R3HDM1: variants seen among roughly 807,000 people sequenced by gnomAD.
The protein encoded by R3HDM1 is R3H domain containing 1, also known as R3H domain-containing protein 1.
In R3HDM1, 46 loss-of-function variants were observed where a neutral mutation model predicts 141.1. The observed-to-expected ratio is 0.33, with a 90% CI of 0.26 to 0.42. The LOEUF (loss-of-function observed/expected upper bound fraction) is 0.42, where lower values mean the gene tolerates loss of function less well. R3HDM1 is among the 10% of genes least tolerant of loss of function. The pLI is 1.00. For missense variants in R3HDM1, 1,184 were observed against 1,368.3 expected (o/e 0.87, Z 2.12); for synonymous variants, 435 against 472.9 (o/e 0.92, Z 1.04).
intron 1 of R3HDM1, among the ~76,000 whole-genome samples, chr2:135,556,945 C>T (rs1700893857): frequency 6.6e-6 from 1 of 152,098 alleles, no homozygotes; most frequent in Admixed American, 6.5e-5. Context: ...GATCATATTG[C>T]TCTAGCATCC....
chr2:135,709,933 G>A, intron 22 of R3HDM1, 126 bp from the exon 23 acceptor site: 2 of 994,370 alleles, frequency 2.0e-6, no homozygotes, highest in South Asian at 3.4e-5. Flanking sequence ...GCTTCAACCT[G>A]GTTTTCTTAG....
rs1009592528 is a variant in R3HDM1, at chr2:135,679,584, A to G, written c.2308-589A>G. Among the ~76,000 whole-genome samples, 15 of 152,198 alleles carry G rather than the reference A, an allele frequency of 9.9e-5. No individual in the cohort carries two copies. The Middle Eastern group carries it at 9.5e-3, about 96-fold the overall frequency. Reference sequence around the variant, plus strand: ...TGAGGTAAACTGTGTTACTCTTTCTATATCAAATGGCCATCCTTATGTGGA... The same window carrying G: ...TGAGGTAAACTGTGTTACTCTTTCTGTATCAAATGGCCATCCTTATGTGGA... On this transcript the variant is annotated intron_variant, in intron 20 of 26. Coordinates refer to ENST00000683871, the MANE Select transcript of R3HDM1 (RefSeq NM_001378107.1).
intron 1 of R3HDM1, among the ~76,000 whole-genome samples, chr2:135,538,379 C>G (rs1306399786): frequency 1.3e-5 from 2 of 152,132 alleles, no homozygotes; most frequent in Admixed American, 1.3e-4. Context: ...AATTGTACAC[C>G]ATTGTAAACT....
chr2:135,635,819 A>C, intron 9 of R3HDM1, 71 bp from the exon 10 acceptor site: 1 of 1,499,226 alleles, frequency 6.7e-7, no homozygotes, highest in Non-Finnish European at 8.9e-7. Flanking sequence ...ATAAAATGTT[A>C]TGTTTAACTT....
chr2:135,574,299 A>G (rs1375323895), intron 1 of R3HDM1, among the ~76,000 whole-genome samples: 1 of 152,212 alleles, frequency 6.6e-6, no homozygotes, highest in Non-Finnish European at 1.5e-5. Flanking sequence ...GCATATTACC[A>G]ACATGGAGTT....
Position 135,724,261 on chromosome 2 carries a change from T to C in R3HDM1, c.3374T>C (p.Phe1125Ser). 1.9e-6 allele frequency: 3 copies of C among 1,613,348 alleles called. No individual in the cohort carries two copies. The highest frequency in any genetic ancestry group is 2.5e-6 in the Non-Finnish European group (3 of 1,179,684). Residue 1125 changes from phenylalanine (F) to serine (S), a missense_variant, in exon 27 of 27, where the codon TTT becomes TCT. Physicochemically the swap from Phe to Ser is radical, Grantham distance 155 (BLOSUM62 -2). This residue lies in a region of R3HDM1 where 182 missense variants were observed against 252.6 expected (regional missense o/e 0.72). Transcript: ENST00000683871. ...KLRTSKKHYD[F>S]HILERASSQ is the part of the protein sequence containing the mutation. ...AGAACAAGCAAGAAGCACTATGACT[T>C]TCACATTTTGGAAAGGGCAAGTTCT... is the stretch of plus-strand genomic sequence containing the variant.
At chr2:135,641,441 C>A in intron 14 of R3HDM1, 95 bp from the exon 15 acceptor site, 1 of 1,338,348 alleles carries the variant, frequency 7.5e-7, no homozygotes, top group Non-Finnish European at 1.0e-6. Context: ...GTAGTAACTG[C>A]ATGTTATGCA....
At chr2:135,613,715 C>T (rs1446218269) in intron 3 of R3HDM1, among the ~76,000 whole-genome samples, 2 of 152,160 alleles carry the variant, frequency 1.3e-5, no homozygotes, top group African/African-American at 4.8e-5. Flanking sequence ...ACTTGGGAGG[C>T]TGAGGCAGGA....
chr2:135,680,053 C>A, intron 20 of R3HDM1, 120 bp from the exon 21 acceptor site: 1 of 1,053,912 alleles, frequency 9.5e-7, no homozygotes, highest in Non-Finnish European at 1.4e-6. Flanking sequence ...ACACTCCAGC[C>A]TGGGCAACAG....
At chr2:135,654,338 A>G (rs536197878) in intron 18 of R3HDM1, among the ~76,000 whole-genome samples, 1 of 152,206 alleles carries the variant, frequency 6.6e-6, no homozygotes, top group East Asian at 1.9e-4. Context: ...CACACTATTC[A>G]TACTTAAAAT....
At chr2:135,547,632 T>A (rs922313767) in intron 1 of R3HDM1, among the ~76,000 whole-genome samples, 1 of 152,094 alleles carries the variant, frequency 6.6e-6, no homozygotes, top group Admixed American at 6.6e-5. Context: ...ATCAACTGTT[T>A]GCTGAATCTT....
chr2:135,624,393 CA>C (rs781574838), intron 7 of R3HDM1, among the ~76,000 whole-genome samples: 129 of 61,780 alleles, frequency 2.1e-3, no homozygotes, highest in African/African-American at 2.7e-3. Flanking sequence ...GACTCCGTCT[CA>C]AAAAAAAAAA....
intron 7 of R3HDM1, among the ~76,000 whole-genome samples, chr2:135,629,088 G>A (rs113119111): frequency 5.9e-5 from 9 of 152,062 alleles, no homozygotes; most frequent in South Asian, 4.1e-4. Context: ...AGGCCGAGGC[G>A]GGTGGATCAC....
intron 15 of R3HDM1, among the ~76,000 whole-genome samples, chr2:135,644,413 G>C (rs2064148629): frequency 6.6e-6 from 1 of 152,152 alleles, no homozygotes; most frequent in South Asian, 2.1e-4. Flanking sequence ...TGAGGCAGGA[G>C]AATTGCTTGA....
At chr2:135,541,719 T>C (rs1559086881) in intron 1 of R3HDM1, among the ~76,000 whole-genome samples, 1 of 151,978 alleles carries the variant, frequency 6.6e-6, no homozygotes, top group Non-Finnish European at 1.5e-5. Flanking sequence ...TCACCAGACA[T>C]AATAATGAAA....
intron 21 of R3HDM1, among the ~76,000 whole-genome samples, chr2:135,693,691 A>G (rs761857646): frequency 2.0e-5 from 3 of 152,232 alleles, no homozygotes; most frequent in Non-Finnish European, 4.4e-5. Context: ...TTTGAAAACT[A>G]GAAGAGAAAG....
intron 19 of R3HDM1, 88 bp from the exon 20 acceptor site, chr2:135,675,244 A>G: frequency 7.9e-7 from 1 of 1,259,016 alleles, no homozygotes; most frequent in Non-Finnish European, 1.1e-6. Context: ...ATCATTTTAG[A>G]GCATAAAAGT....
intron 1 of R3HDM1, chr2:135,536,665 T>C (rs1696198492): frequency 1.1e-6 from 1 of 946,816 alleles, no homozygotes; most frequent in Non-Finnish European, 1.3e-6. Flanking sequence ...ACAACATTAG[T>C]TTGATGAAAG....
intron 1 of R3HDM1, among the ~76,000 whole-genome samples, chr2:135,540,567 C>T (rs528539281): frequency 1.3e-5 from 2 of 152,190 alleles, no homozygotes; most frequent in African/African-American, 4.8e-5. Flanking sequence ...CCACCACATC[C>T]GTCTATTTTT....
Sources: gnomAD v4.1 joint callset for allele counts (sites outside exome capture counted in the v4.1 genomes callset) on GRCh38, gnomAD v4.1.1 for gene constraint, gnomAD v4.1.1 regional missense constraint, MANE v1.5 for transcripts, NCBI Gene and HGNC (gene_info 2026-07-23, HGNC 2026-07-21) for gene names.